The following NUP35 variants were observed in gnomAD, a reference collection of about 807,000 sequenced individuals.
NUP35 encodes nucleoporin 35, also known as nucleoporin NUP35.
Under a neutral mutation model 41.5 loss-of-function variants are expected in NUP35, and 25 were observed. The ratio of observed to expected loss-of-function variants is 0.60; its 90% confidence interval spans 0.44 to 0.84. The LOEUF is 0.84. Among genes scored for constraint, NUP35 ranks in the 40% least tolerant of loss-of-function variants. The probability of loss-of-function intolerance (pLI) is 0.00; values close to 1 mark genes in which losing one functional copy is unlikely to be tolerated. For synonymous variants in NUP35, 149 were observed against 130.7 expected (o/e 1.14, Z -0.96); for missense variants, 396 against 396.6 (o/e 1.00, Z 0.01).
At chr2:183,124,291 A>G, upstream of NUP35, 2 of 1,466,520 alleles carry the variant, frequency 1.4e-6, no homozygotes, top group East Asian at 4.8e-5. Flanking sequence ...CAGCGCAAAG[A>G]CTTTGCCCTA....
chr2:183,127,311 T>A (rs1400628360), intron 1 of NUP35, among the ~76,000 whole-genome samples: 1 of 151,790 alleles, frequency 6.6e-6, no homozygotes, highest in Non-Finnish European at 1.5e-5. Context: ...AAAGATGAGA[T>A]CTCAGTGTGT....
At chr2:183,120,547 G>A (rs541579270), upstream of NUP35, among the ~76,000 whole-genome samples, 3 of 152,202 alleles carry the variant, frequency 2.0e-5, no homozygotes, top group East Asian at 3.9e-4. Flanking sequence ...AATTGTATAG[G>A]AATTGAAGAG....
chr2:183,126,865 T>C (rs373009395), intron 1 of NUP35, among the ~76,000 whole-genome samples: 17 of 152,236 alleles, frequency 1.1e-4, no homozygotes, highest in East Asian at 3.8e-4. Flanking sequence ...GTCACCTAGT[T>C]GAAAATTATT....
At chr2:183,148,841 G>A (rs993638755) in intron 4 of NUP35, among the ~76,000 whole-genome samples, 2 of 152,080 alleles carry the variant, frequency 1.3e-5, no homozygotes, top group African/African-American at 4.8e-5. Context: ...TGTATTTTTA[G>A]TAGAGATAAG....
At chr2:183,152,893 A>G (rs1020993218) in intron 5 of NUP35, among the ~76,000 whole-genome samples, 1 of 152,196 alleles carries the variant, frequency 6.6e-6, no homozygotes, top group African/African-American at 2.4e-5. Flanking sequence ...ATGATTTGCC[A>G]TACTGTATTA....
intron 3 of NUP35, chr2:183,131,047 T>A: frequency 1.9e-6 from 1 of 532,870 alleles, no homozygotes; most frequent in Non-Finnish European, 3.3e-6. Context: ...AGCGGCACAG[T>A]CATAACTCTG....
At chr2:183,146,763 G>T (rs1685293985) in intron 4 of NUP35, among the ~76,000 whole-genome samples, 1 of 151,838 alleles carries the variant, frequency 6.6e-6, no homozygotes, top group Non-Finnish European at 1.5e-5. Context: ...TGCCCGGCTA[G>T]TTTTTGTATT....
chr2:183,152,070 G>A (rs1685485451), intron 5 of NUP35, among the ~76,000 whole-genome samples: 1 of 148,434 alleles, frequency 6.7e-6, no homozygotes, highest in Non-Finnish European at 1.5e-5. Context: ...TACATCTAGT[G>A]GAATTCACCA....
intron 5 of NUP35, among the ~76,000 whole-genome samples, chr2:183,155,854 G>A (rs946731818): frequency 2.6e-5 from 4 of 151,920 alleles, no homozygotes; most frequent in Admixed American, 6.6e-5. Context: ...GTATTTTTTC[G>A]TATTTCAGAC....
intron 3 of NUP35, chr2:183,130,982 C>A: frequency 8.3e-7 from 1 of 1,205,960 alleles, no homozygotes; most frequent in Non-Finnish European, 1.1e-6. Flanking sequence ...TCTTTATTTT[C>A]TTCTTTTTTT....
chr2:183,143,795 T>C (rs1685183763), intron 4 of NUP35, among the ~76,000 whole-genome samples: 1 of 152,112 alleles, frequency 6.6e-6, no homozygotes, highest in African/African-American at 2.4e-5. Flanking sequence ...TTTTTTAGAG[T>C]GTCTGTCAGT....
intron 2 of NUP35, 123 bp downstream of exon 2, chr2:183,128,580 C>A: frequency 4.3e-6 from 2 of 465,438 alleles, no homozygotes; most frequent in Non-Finnish European, 7.2e-6. Flanking sequence ...TACAGTAACT[C>A]TAATAATAGC....
At chr2:183,142,537 A>C (rs529304739) in intron 4 of NUP35, among the ~76,000 whole-genome samples, 4 of 151,298 alleles carry the variant, frequency 2.6e-5, no homozygotes, top group Non-Finnish European at 5.9e-5. Flanking sequence ...GCTGGAGTGT[A>C]GTGGCACAAT....
chr2:183,142,305 TTC>T (rs2105579506), intron 4 of NUP35, among the ~76,000 whole-genome samples: 1 of 152,324 alleles, frequency 6.6e-6, no homozygotes, highest in East Asian at 1.9e-4. Flanking sequence ...GATAATTGCT[TTC>T]TCTCTGCTTT....
Position 183,151,504 on chromosome 2 carries a change from A to G in NUP35, c.398-4A>G, listed in dbSNP as rs749281768. 66 of 1,613,304 alleles carry G rather than the reference A, an allele frequency of 4.1e-5. No individual in the cohort carries two copies. Among genetic ancestry groups the G allele is most frequent in the Non-Finnish European group, 5.3e-5 (63 of 1,179,708 alleles). On this transcript the variant is annotated splice_polypyrimidine_tract_variant and splice_region_variant and intron_variant, in intron 4 of 8. Coordinates refer to ENST00000295119, the MANE Select transcript of NUP35 (RefSeq NM_138285.5). ...CAACTAACTTGCTAAATATACTAAT[A>G]TAGGGCAAAGTATGTTTAGTCCAGC...
intron 3 of NUP35, chr2:183,131,082 C>T (rs1462935762): frequency 1.2e-5 from 5 of 421,270 alleles, no homozygotes; most frequent in South Asian, 3.5e-5. Flanking sequence ...TGGGTTCAAC[C>T]AATCCTCCTG....
chr2:183,140,979 A>T (rs1360347505), intron 4 of NUP35, among the ~76,000 whole-genome samples: 1 of 152,192 alleles, frequency 6.6e-6, no homozygotes, highest in Non-Finnish European at 1.5e-5. Context: ...TACTCTTGCC[A>T]TTGTAACAAA....
intron 5 of NUP35, among the ~76,000 whole-genome samples, chr2:183,155,229 TGAAG>T (rs968804386): frequency 3.8e-4 from 58 of 152,356 alleles, no homozygotes; most frequent in African/African-American, 1.1e-3. Flanking sequence ...ATGAGCTCCT[TGAAG>T]GAAGAAAGGT....
At chr2:183,146,976 G>A (rs1024259680) in intron 4 of NUP35, among the ~76,000 whole-genome samples, 4 of 152,138 alleles carry the variant, frequency 2.6e-5, no homozygotes, top group Non-Finnish European at 4.4e-5. Context: ...CAGTCTCTCT[G>A]TTGATTAGTG....
Sources: gnomAD v4.1 joint callset for allele counts (sites outside exome capture counted in the v4.1 genomes callset) on GRCh38, gnomAD v4.1.1 for gene constraint, MANE v1.5 for transcripts, NCBI Gene and HGNC (gene_info 2026-07-23, HGNC 2026-07-21) for gene names.